The following STK32B variants were observed in gnomAD, a reference collection of about 807,000 sequenced individuals.
STK32B encodes the protein serine/threonine-protein kinase 32B.
Under a neutral mutation model 52.6 loss-of-function variants are expected in STK32B, and 43 were observed. That is an observed-to-expected ratio of 0.82 (90% CI 0.64 to 1.05). STK32B has a LOEUF of 1.05. Ranked by LOEUF, STK32B falls within the 50% of genes least tolerant of loss-of-function variation. The pLI, the probability that STK32B is intolerant of heterozygous loss-of-function variation, is 0.00. For synonymous variants in STK32B, 238 were observed against 204.3 expected, an observed-to-expected ratio of 1.17 and a Z score of -1.41; for missense variants, 621 against 534.6, an observed-to-expected ratio of 1.16 and a Z score of -1.59.
intron 3 of STK32B, among the ~76,000 whole-genome samples, chr4:5,221,951 A>G (rs1159427228): frequency 6.6e-6 from 1 of 152,124 alleles, no homozygotes; most frequent in African/African-American, 2.4e-5. Context: ...CTCCATCACA[A>G]ATAGGATTAA....
At chr4:5,375,657 C>T (rs1391840629) in intron 4 of STK32B, among the ~76,000 whole-genome samples, 2 of 152,210 alleles carry the variant, frequency 1.3e-5, no homozygotes, top group Non-Finnish European at 2.9e-5. Flanking sequence ...GTGAAGTTTC[C>T]TCTTTGCTGC....
chr4:5,364,364 A>G (rs1043598042), intron 4 of STK32B, among the ~76,000 whole-genome samples: 3 of 152,250 alleles, frequency 2.0e-5, no homozygotes, highest in African/African-American at 4.8e-5. Flanking sequence ...AGAAGGGGAA[A>G]GAGACAGATC....
chr4:5,314,595 A>G (rs1234477758), intron 3 of STK32B, among the ~76,000 whole-genome samples: 1 of 152,156 alleles, frequency 6.6e-6, no homozygotes, highest in Non-Finnish European at 1.5e-5. Flanking sequence ...ACTTGAACCC[A>G]GGAGGCGGAG....
At chr4:5,153,509 G>GA (rs573243021) in intron 2 of STK32B, among the ~76,000 whole-genome samples, 31 of 147,420 alleles carry the variant, frequency 2.1e-4, no homozygotes, top group Non-Finnish European at 3.0e-4. Context: ...TTCATTGGTG[G>GA]AAAAAAAAAG....
chr4:5,265,665 T>C (rs1315621673), intron 3 of STK32B, among the ~76,000 whole-genome samples: 1 of 152,238 alleles, frequency 6.6e-6, no homozygotes, highest in Non-Finnish European at 1.5e-5. Flanking sequence ...TTTATTAACT[T>C]AAAATTAAAT....
rs139810075 is a variant in STK32B, at chr4:5,357,932, T to C, written c.434+26539T>C. Reference sequence around the variant, plus strand: ...TCATTACCCTGTGGTTCAGGGGTCATATCAACTAGAAAGAAGTATTCAGAC... The same window carrying C: ...TCATTACCCTGTGGTTCAGGGGTCACATCAACTAGAAAGAAGTATTCAGAC... On this transcript the variant is annotated intron_variant, in intron 4 of 11. Transcript: ENST00000282908. Among the ~76,000 whole-genome samples, 403 of 152,262 alleles carry C rather than the reference T, an allele frequency of 2.6e-3. 3 individuals are homozygous for C. Among genetic ancestry groups the C allele is most frequent in the Non-Finnish European group, 4.7e-3 (322 of 68,026 alleles).
chr4:5,209,304 C>A (rs1021004050), intron 3 of STK32B, among the ~76,000 whole-genome samples: 1 of 152,174 alleles, frequency 6.6e-6, no homozygotes, highest in Non-Finnish European at 1.5e-5. Flanking sequence ...TCACTGCAGC[C>A]TCAAAATCAC....
intron 11 of STK32B, among the ~76,000 whole-genome samples, chr4:5,479,409 A>G (rs892334126): frequency 6.6e-6 from 1 of 152,028 alleles, no homozygotes; most frequent in Non-Finnish European, 1.5e-5. Context: ...GTGAGCCACC[A>G]TGCCCGGCCT....
At chr4:5,479,040 C>G (rs968957829) in intron 11 of STK32B, among the ~76,000 whole-genome samples, 15 of 151,840 alleles carry the variant, frequency 9.9e-5, no homozygotes, top group Admixed American at 3.3e-4. Context: ...CAGGGGGAGG[C>G]AGGAGACAGT....
intron 3 of STK32B, among the ~76,000 whole-genome samples, chr4:5,201,055 T>C (rs1448384180): frequency 6.6e-6 from 1 of 152,202 alleles, no homozygotes; most frequent in Non-Finnish European, 1.5e-5. Flanking sequence ...AATGGATTTT[T>C]AAAGCAGTTG....
At chr4:5,203,939 A>G (rs1722354264) in intron 3 of STK32B, 1 of 152,250 alleles carries the variant, frequency 6.6e-6, no homozygotes. Context: ...GTGAGAGCCC[A>G]GCTGTCTTGC....
At chr4:5,214,154 T>C (rs1474728720) in intron 3 of STK32B, 1 of 152,098 alleles carries the variant, frequency 6.6e-6, no homozygotes, top group Admixed American at 6.6e-5. Context: ...TGGGGGCGGG[T>C]TTCTCCCTTG....
In STK32B at chr4:5,376,585, C is replaced by T. The variant is rs534147097; in HGVS notation, c.435-21622C>T. On this transcript the variant is annotated intron_variant, in intron 4 of 11. Transcript: ENST00000282908. Reference sequence around the variant, plus strand: ...TACTGAGATTTACCTCTTTCCTCCTCCATAAGGGCACACGGATCCCTGGAA... The same window carrying T: ...TACTGAGATTTACCTCTTTCCTCCTTCATAAGGGCACACGGATCCCTGGAA... Among the ~76,000 whole-genome samples the T allele has an allele frequency of 9.2e-5, 14 of 152,182 alleles. No homozygotes were observed. The South Asian group carries it at 2.7e-3, about 29-fold the overall frequency.
chr4:5,422,171 T>C (rs947561974), intron 6 of STK32B, among the ~76,000 whole-genome samples: 1 of 152,218 alleles, frequency 6.6e-6, no homozygotes, highest in African/African-American at 2.4e-5. Flanking sequence ...CAGCTGATTT[T>C]CCTAATGGTT....
At chr4:5,142,583 T>A (rs959289770) in intron 2 of STK32B, among the ~76,000 whole-genome samples, 45 of 152,208 alleles carry the variant, frequency 3.0e-4, no homozygotes, top group African/African-American at 1.1e-3. Flanking sequence ...CTGGATAATT[T>A]AACAGACATT....
intron 3 of STK32B, among the ~76,000 whole-genome samples, chr4:5,227,545 A>G (rs1428817129): frequency 6.6e-6 from 1 of 152,218 alleles, no homozygotes; most frequent in Non-Finnish European, 1.5e-5. Flanking sequence ...GAAAACTCAA[A>G]ATTTTATTGG....
chr4:5,073,328 A>G (rs1479772630), intron 1 of STK32B, among the ~76,000 whole-genome samples: 1 of 152,020 alleles, frequency 6.6e-6, no homozygotes, highest in East Asian at 1.9e-4. Context: ...GGGATTTACA[A>G]TATACATCTT....
Position 5,360,755 on chromosome 4 carries a change from G to A in STK32B, c.434+29362G>A, listed in dbSNP as rs187842467. Among the ~76,000 whole-genome samples the A allele has an allele frequency of 7.0e-4, 107 of 152,272 alleles. 1 individual carries two copies. In the Middle Eastern group the frequency reaches 0.024, roughly 34 times the overall value. On this transcript the variant is annotated intron_variant, in intron 4 of 11. Coordinates refer to ENST00000282908, the MANE Select transcript of STK32B (RefSeq NM_018401.3). ...AGGGAGGTGGAGGACGCAGTGAACC[G>A]AGATTGTGCCATTGCACTCCAGCCT...
At chr4:5,451,171 A>G (rs1715961902) in intron 7 of STK32B, among the ~76,000 whole-genome samples, 1 of 152,236 alleles carries the variant, frequency 6.6e-6, no homozygotes, top group African/African-American at 2.4e-5. Flanking sequence ...ACACACAACG[A>G]TGATTCCACA....
Sources: allele counts gnomAD v4.1 joint callset (sites outside exome capture counted in the v4.1 genomes callset), GRCh38; gene constraint gnomAD v4.1.1; transcripts MANE v1.5; gene names NCBI Gene and HGNC (gene_info 2026-07-23, HGNC 2026-07-21).